Variants in PRMT2 observed in about 807,000 individuals in gnomAD.
PRMT2 encodes the protein protein arginine N-methyltransferase 2.
A neutral mutation model predicts 57.6 loss-of-function variants in PRMT2; 26 were observed. That is an observed-to-expected ratio of 0.45 (90% CI 0.33 to 0.63). The LOEUF is 0.63. PRMT2 is among the 20% of genes least tolerant of loss of function. The probability of loss-of-function intolerance (pLI) is 0.02; values close to 1 mark genes in which losing one functional copy is unlikely to be tolerated. For synonymous variants in PRMT2, 219 were observed against 220.0 expected (o/e 1.00, Z 0.04); for missense variants, 472 against 564.4 (o/e 0.84, Z 1.66).
intron 7 of PRMT2, chr21:46,652,985 G>T: frequency 8.1e-7 from 1 of 1,230,212 alleles, no homozygotes; most frequent in Non-Finnish European, 1.0e-6. Flanking sequence ...GCTTTGCAAG[G>T]TCACTGAGGA....
At chr21:46,636,366 T>C (rs1183201091) in intron 1 of PRMT2, 73 bp from the exon 2 acceptor site, 1 of 152,380 alleles carries the variant, frequency 6.6e-6, no homozygotes, top group Non-Finnish European at 1.5e-5. Context: ...AAGCTTCAAG[T>C]CTGGATTTAG....
intron 9 of PRMT2, 84 bp from the exon 10 acceptor site, chr21:46,661,716 G>GGGGCGCGTGGAGGGGGC: frequency 1.6e-6 from 2 of 1,233,716 alleles, no homozygotes; most frequent in Non-Finnish European, 2.0e-6. Flanking sequence ...GCGTCTGCGC[G>GGGGCGCGTGGAGGGGGC]GGGCGCGTGG....
chr21:46,662,820 C>T (rs189513146), intron 10 of PRMT2, among the ~76,000 whole-genome samples: 2 of 152,302 alleles, frequency 1.3e-5, no homozygotes. Context: ...ACTATTTCCC[C>T]CCAAATGTGA....
chr21:46,663,761 G>A (rs915978486), intron 11 of PRMT2, among the ~76,000 whole-genome samples: 7 of 131,866 alleles, frequency 5.3e-5, no homozygotes, highest in African/African-American at 1.8e-4. Context: ...CTCTGGAAGG[G>A]AAGTCAGGGA....
Sources: allele counts gnomAD v4.1 joint callset (sites outside exome capture counted in the v4.1 genomes callset), GRCh38; gene constraint gnomAD v4.1.1; transcripts MANE v1.5; gene names NCBI Gene and HGNC (gene_info 2026-07-23, HGNC 2026-07-21).